Variants in NCOA3 observed in about 807,000 individuals in gnomAD.
NCOA3 encodes the protein nuclear receptor coactivator 3, also known as CBP-interacting protein.
A neutral mutation model predicts 158.8 loss-of-function variants in NCOA3; 51 were observed. The observed-to-expected ratio is 0.32, with a 90% CI of 0.26 to 0.41. The LOEUF is 0.41. Ranked by LOEUF, NCOA3 falls within the 10% of genes least tolerant of loss-of-function variation. NCOA3 has a pLI of 1.00. For missense variants in NCOA3, 1,510 were observed against 1,746.6 expected (o/e 0.86, Z 2.41); for synonymous variants, 537 against 592.4 (o/e 0.91, Z 1.36).
At chr20:47,547,331 C>T (rs1158683666) in intron 1 of NCOA3, among the ~76,000 whole-genome samples, 3 of 144,508 alleles carry the variant, frequency 2.1e-5, no homozygotes, top group Non-Finnish European at 3.0e-5. Flanking sequence ...CACAGCATAT[C>T]GTTTCTCTTT....
intron 2 of NCOA3, among the ~76,000 whole-genome samples, chr20:47,588,567 GAAT>G (rs1438961222): frequency 6.6e-6 from 1 of 152,024 alleles, no homozygotes; most frequent in East Asian, 1.9e-4. Context: ...GTAATATGTA[GAAT>G]AATAACATGC....
intron 1 of NCOA3, among the ~76,000 whole-genome samples, chr20:47,551,014 TATAGG>T (rs2084920260): frequency 6.6e-6 from 1 of 152,132 alleles, no homozygotes; most frequent in Admixed American, 6.6e-5. Flanking sequence ...TTTTTTCAGA[TATAGG>T]ATAATAAAAT....
In NCOA3 at chr20:47,639,053, A is replaced by G. The variant is rs771074088; in HGVS notation, c.2558A>G (p.Asn853Ser). The G allele has an allele frequency of 6.2e-7, 1 of 1,613,998 alleles. No individual in the cohort carries two copies. The highest frequency in any genetic ancestry group is 8.5e-7 in the Non-Finnish European group (1 of 1,180,026). The stretch of plus-strand genomic sequence containing the variant: ...GTGCAGTCTATTCGTCCTCCATATA[A>G]CCGAGCAGTGTCTCTGGATAGCCCT... ...QSVQSIRPPY[N>S]RAVSLDSPVS... Residue 853 changes from asparagine to serine, a missense_variant, in exon 14 of 23, where the codon AAC becomes AGC. Coordinates refer to ENST00000371998, the MANE Select transcript of NCOA3 (RefSeq NM_181659.3).
At chr20:47,547,861 G>T (rs984272751) in intron 1 of NCOA3, among the ~76,000 whole-genome samples, 1 of 151,920 alleles carries the variant, frequency 6.6e-6, no homozygotes, top group Non-Finnish European at 1.5e-5. Flanking sequence ...GATTACAGGC[G>T]CCTGCCACCA....
At chr20:47,610,688 T>C (rs554889760) in intron 2 of NCOA3, among the ~76,000 whole-genome samples, 14 of 152,328 alleles carry the variant, frequency 9.2e-5, no homozygotes, top group Non-Finnish European at 4.4e-5. Flanking sequence ...CGTGTCGTGT[T>C]GCTAGAGTTA....
At chr20:47,511,560 T>TATATATATACATACACACACATATA (rs1569310982) in intron 1 of NCOA3, among the ~76,000 whole-genome samples, 1 of 5,518 alleles carries the variant, frequency 1.8e-4, no homozygotes, top group African/African-American at 2.4e-4. Context: ...TATATATTTC[T>TATATATATACATACACACACATATA]TTTTTTTTTT....
chr20:47,632,268 A>AT (rs2086431294), intron 8 of NCOA3, among the ~76,000 whole-genome samples: 4 of 151,876 alleles, frequency 2.6e-5, no homozygotes, highest in Admixed American at 2.6e-4. Flanking sequence ...AGGAGAAGGT[A>AT]TTAGGGGGTG....
rs1373710992 is a variant in NCOA3 at position 47,651,212 on chromosome 20, G to T, written c.3882G>T (p.Gly1294=). ...TGACTGCTTCCCCCAGCATGGATGG[G>T]CTTTTGGCAGGACCCACAATGCCAC... is the stretch of plus-strand genomic sequence containing the variant. ...PNVTASPSMD[G]LLAGPTMPQA... Residue 1294 remains glycine, a synonymous_variant, in exon 20 of 23, where the codon GGG becomes GGT. Coordinates refer to ENST00000371998, the MANE Select transcript of NCOA3 (RefSeq NM_181659.3). 6.2e-6 allele frequency: 10 copies of T among 1,613,998 alleles called. No individual in the cohort carries two copies. The East Asian group carries it at 2.2e-4, about 36-fold the overall frequency.
intron 1 of NCOA3, among the ~76,000 whole-genome samples, chr20:47,532,140 T>TGTGTGTG: frequency 1.9e-5 from 1 of 51,710 alleles, no homozygotes; most frequent in South Asian, 6.0e-4. Context: ...GTGTGTGTGT[T>TGTGTGTG]GCAGGGTTTA....
chr20:47,635,230 G>GT (rs1365643687), intron 10 of NCOA3, 92 bp from the exon 11 acceptor site: 9 of 1,326,240 alleles, frequency 6.8e-6, no homozygotes, highest in Non-Finnish European at 7.1e-6. Context: ...TAGCTGGCTG[G>GT]TTTTTTAAAA....
chr20:47,542,009 G>GTTTTTTTTTTTTTTTTTTTTTTT lies in NCOA3; in HGVS notation c.-99+40011_-99+40012insTTTTTTTTTTTTTTTTTTTTTTT, dbSNP rs755173294. ...ATCAAATTATTTTTTGCCCTGTAGA[G>GTTTTTTTTTTTTTTTTTTTTTTT]TTTTTTTTTTTTTTTTTTTTTGTTG... On this transcript the variant is annotated intron_variant, in intron 1 of 22. Coordinates refer to ENST00000371998, the MANE Select transcript of NCOA3 (RefSeq NM_181659.3). 8.3e-4 allele frequency among the ~76,000 whole-genome samples: 47 copies of GTTTTTTTTTTTTTTTTTTTTTTT among 56,360 alleles called. 1 individual carries two copies. Among genetic ancestry groups the GTTTTTTTTTTTTTTTTTTTTTTT allele is most frequent in the Non-Finnish European group, 1.2e-3 (34 of 28,698 alleles). The allele number at this position is 56,360 out of a possible 152,430, so 37.0% of individuals were successfully genotyped here.
chr20:47,516,961 A>T (rs2084243858), intron 1 of NCOA3, among the ~76,000 whole-genome samples: 1 of 151,624 alleles, frequency 6.6e-6, no homozygotes, highest in African/African-American at 2.4e-5. Context: ...AGTGACTCAC[A>T]TCTATAATCC....
chr20:47,651,556 TC>T (rs1034313580), intron 20 of NCOA3, among the ~76,000 whole-genome samples: 1 of 152,190 alleles, frequency 6.6e-6, no homozygotes, highest in African/African-American at 2.4e-5. Context: ...CCTTGCCCCT[TC>T]TTGTATGTTC....
At chr20:47,539,006 C>T (rs1471329009) in intron 1 of NCOA3, among the ~76,000 whole-genome samples, 1 of 152,188 alleles carries the variant, frequency 6.6e-6, no homozygotes, top group Non-Finnish European at 1.5e-5. Context: ...GAATTGATTT[C>T]AAGACTTCAC....
Position 47,652,969 on chromosome 20 carries a change from C to T in NCOA3, c.4160C>T (p.Pro1387Leu), listed in dbSNP as rs773043686. 1 of 1,614,170 alleles carries T rather than the reference C, an allele frequency of 6.2e-7. No individual in the cohort carries two copies. Among genetic ancestry groups the T allele is most frequent in the South Asian group, 1.1e-5 (1 of 91,082 alleles). ...SQQQFAHQGN[P>L]AVYSMVHMNG... Reference sequence around the variant, plus strand: ...CAGCAGTTTGCCCACCAGGGGAATCCTGCAGTGTATAGTATGGTGCACATG... The same window carrying T: ...CAGCAGTTTGCCCACCAGGGGAATCTTGCAGTGTATAGTATGGTGCACATG... Residue 1387 changes from proline (P) to leucine (L), a missense_variant, in exon 22 of 23, where the codon CCT becomes CTT. By Grantham distance (98) the Pro-to-Leu change is moderately conservative (BLOSUM62 -3). Transcript: ENST00000371998.
intron 2 of NCOA3, among the ~76,000 whole-genome samples, chr20:47,614,535 T>C (rs760845825): frequency 6.6e-6 from 1 of 152,208 alleles, no homozygotes; most frequent in Non-Finnish European, 1.5e-5. Flanking sequence ...AATTAGTGTA[T>C]TTAATCATAC....
intron 1 of NCOA3, among the ~76,000 whole-genome samples, chr20:47,543,389 T>C (rs1200793393): frequency 1.3e-5 from 2 of 152,198 alleles, no homozygotes; most frequent in Admixed American, 6.5e-5. Flanking sequence ...TGCTGGCTAC[T>C]ACAGTGAGAC....
At chr20:47,600,258 T>C (rs1163133072) in intron 2 of NCOA3, among the ~76,000 whole-genome samples, 1 of 151,772 alleles carries the variant, frequency 6.6e-6, no homozygotes, top group Non-Finnish European at 1.5e-5. Flanking sequence ...CACTGCAAGC[T>C]CCACCTCCCG....
intron 1 of NCOA3, among the ~76,000 whole-genome samples, chr20:47,508,549 A>T (rs1175040863): frequency 6.6e-6 from 1 of 152,238 alleles, no homozygotes; most frequent in Non-Finnish European, 1.5e-5. Context: ...TTAACAAAAA[A>T]GGGGGCACTT....
Sources: gnomAD v4.1 joint callset for allele counts (sites outside exome capture counted in the v4.1 genomes callset) on GRCh38, gnomAD v4.1.1 for gene constraint, MANE v1.5 for transcripts, NCBI Gene and HGNC (gene_info 2026-07-23, HGNC 2026-07-21) for gene names.